ZNF280C: variants seen among roughly 807,000 people sequenced by gnomAD.
The protein encoded by ZNF280C is zinc finger protein 280C.
A neutral mutation model predicts 53.6 loss-of-function variants in ZNF280C; 14 were observed. The ratio of observed to expected loss-of-function variants is 0.26; its 90% CI spans 0.17 to 0.41. ZNF280C has a LOEUF of 0.41. ZNF280C is among the 10% of genes least tolerant of loss of function. The pLI is 1.00. For missense variants in ZNF280C, 416 were observed against 547.1 expected (o/e 0.76, Z 2.39); for synonymous variants, 203 against 181.1 (o/e 1.12, Z -0.97).
intron 12 of ZNF280C, among the ~76,000 whole-genome samples, chrX:130,225,064 A>G (rs1428245457): frequency 1.8e-5 from 2 of 111,799 alleles, no homozygotes; most frequent in Admixed American, 9.5e-5. Flanking sequence ...AAGTTAAGGC[A>G]TACAACTTAG....
At chrX:130,252,015 G>A (rs1461956501) in intron 2 of ZNF280C, among the ~76,000 whole-genome samples, 5 of 111,814 alleles carry the variant, frequency 4.5e-5, no homozygotes, top group African/African-American at 1.6e-4. Context: ...TTGGGAGGCT[G>A]GGGCAGGGGA....
At chrX:130,235,445 C>A (rs1341750944) in intron 8 of ZNF280C, among the ~76,000 whole-genome samples, 3 of 111,952 alleles carry the variant, frequency 2.7e-5, no homozygotes, top group Non-Finnish European at 5.6e-5. Flanking sequence ...ACTGGAGAGG[C>A]AAATGTTGCA....
intron 5 of ZNF280C, among the ~76,000 whole-genome samples, chrX:130,240,266 T>C (rs1270830640): frequency 9.0e-6 from 1 of 111,580 alleles, no homozygotes; most frequent in East Asian, 2.8e-4. Context: ...AAATGAGGAA[T>C]AGATATCAAA....
rs191606313 is a variant in ZNF280C at position 130,218,485 on chromosome X, A to T, written c.1527+1864T>A. 2.7e-5 allele frequency among the ~76,000 whole-genome samples: 3 copies of T among 112,509 alleles called. No homozygotes were observed. The Admixed American group carries it at 2.8e-4, about 11-fold the overall frequency. ...AAAATGTTTGTATCTATTGGTTAAT[A>T]ATAGAAAAGTCATCCACTAACATTT... is the stretch of plus-strand genomic sequence containing the variant. On this transcript the variant is annotated intron_variant, in intron 13 of 18. Transcript: ENST00000370978.
chrX:130,265,256 G>C (rs1394871761), intron 1 of ZNF280C, among the ~76,000 whole-genome samples: 1 of 111,687 alleles, frequency 9.0e-6, no homozygotes, highest in Non-Finnish European at 1.9e-5. Context: ...ATAATACTTT[G>C]CAAAGTTTGC....
At chrX:130,219,612 G>A (rs1185200500) in intron 13 of ZNF280C, among the ~76,000 whole-genome samples, 2 of 110,207 alleles carry the variant, frequency 1.8e-5, no homozygotes, top group Admixed American at 9.8e-5. Context: ...TGCTATCCAG[G>A]AGCAAAACTT....
intron 2 of ZNF280C, among the ~76,000 whole-genome samples, chrX:130,260,125 AC>A (rs1161897557): frequency 9.1e-6 from 1 of 110,019 alleles, no homozygotes. Context: ...TACTGAAAAT[AC>A]AAAAAATTAG....
At chrX:130,224,170 G>A (rs1392414284) in intron 12 of ZNF280C, among the ~76,000 whole-genome samples, 1 of 111,698 alleles carries the variant, frequency 9.0e-6, no homozygotes, top group African/African-American at 3.3e-5. Flanking sequence ...TGATGGTGGA[G>A]CTGTCATAAA....
At chrX:130,257,504 G>A (rs1031723922) in intron 2 of ZNF280C, among the ~76,000 whole-genome samples, 2 of 111,227 alleles carry the variant, frequency 1.8e-5, no homozygotes, top group African/African-American at 6.5e-5. Flanking sequence ...AAAATCACTA[G>A]GTAATGGCAA....
At chrX:130,266,067 C>G (rs753898246) in intron 1 of ZNF280C, among the ~76,000 whole-genome samples, 17 of 112,099 alleles carry the variant, frequency 1.5e-4, no homozygotes, top group African/African-American at 4.8e-4. Flanking sequence ...GAAACTGAGA[C>G]AGATTTCAAA....
At chrX:130,226,939 T>C (rs373631265) in intron 11 of ZNF280C, 34 bp from the exon 12 acceptor site, 8 of 1,151,738 alleles carry the variant, frequency 6.9e-6, no homozygotes, top group Non-Finnish European at 9.3e-6. Flanking sequence ...TTTAACTTGA[T>C]ATTTTATAAC....
chrX:130,210,189 T>A (rs1168946715), intron 15 of ZNF280C, among the ~76,000 whole-genome samples: 1 of 112,314 alleles, frequency 8.9e-6, no homozygotes, highest in Non-Finnish European at 1.9e-5. Context: ...TGGTATTTTG[T>A]TATAGCAGCC....
chrX:130,261,068 C>A (rs190270375), intron 1 of ZNF280C, among the ~76,000 whole-genome samples: 1 of 111,656 alleles, frequency 9.0e-6, no homozygotes, highest in Non-Finnish European at 1.9e-5. Flanking sequence ...GGATAAATTG[C>A]GTAGTAAAAC....
At chrX:130,263,821 T>C (rs780443389) in intron 1 of ZNF280C, among the ~76,000 whole-genome samples, 1 of 109,743 alleles carries the variant, frequency 9.1e-6, no homozygotes, top group Non-Finnish European at 1.9e-5. Flanking sequence ...AGTCAGGAGT[T>C]CGAGACCAGC....
intron 10 of ZNF280C, 121 bp from the exon 11 acceptor site, chrX:130,227,903 C>T (rs2032236642): frequency 4.5e-6 from 2 of 440,935 alleles, no homozygotes; most frequent in African/African-American, 5.0e-5. Context: ...TCTAACAATT[C>T]TATAGCTGTT....
intron 16 of ZNF280C, among the ~76,000 whole-genome samples, chrX:130,206,878 T>C (rs2031981588): frequency 8.9e-6 from 1 of 112,078 alleles, no homozygotes; most frequent in Non-Finnish European, 1.9e-5. Flanking sequence ...TTTCAAACGT[T>C]TTATGATGTT....
At chrX:130,214,674 A>AG (rs2032080416) in intron 15 of ZNF280C, among the ~76,000 whole-genome samples, 1 of 111,739 alleles carries the variant, frequency 8.9e-6, no homozygotes, top group Non-Finnish European at 1.9e-5. Flanking sequence ...AATCATCTCT[A>AG]GATTTGTGAA....
intron 2 of ZNF280C, among the ~76,000 whole-genome samples, chrX:130,259,728 C>T (rs1603246598): frequency 8.9e-6 from 1 of 112,214 alleles, no homozygotes; most frequent in East Asian, 2.8e-4. Flanking sequence ...CACAGTGGCT[C>T]ACGCCTGTAA....
In ZNF280C at chrX:130,227,780, T is replaced by C; in HGVS notation, c.1150A>G (p.Ile384Val). ...STHTPHEFST[I>V]CKICELSFET... ...AATGATAATTCACAGATTTTGCAAATAGCTGAAAGTGGAAAAAAACACATT... is the reference window on the plus strand; with the variant it reads ...AATGATAATTCACAGATTTTGCAAACAGCTGAAAGTGGAAAAAAACACATT... The change falls in exon 11 of 19, where the codon ATT becomes GTT. Residue 384 changes from isoleucine to valine, a missense_variant and splice_region_variant. Transcript: ENST00000370978. 2.6e-6 allele frequency: 3 copies of C among 1,140,478 alleles called. No individual in the cohort carries two copies. The highest frequency in any genetic ancestry group is 3.6e-6 in the Non-Finnish European group (3 of 835,818). 94.0% of individuals were successfully genotyped at this position (1,140,478 alleles called of 1,213,427 possible). A position where few individuals can be genotyped will look rare whatever the true frequency, so the allele number is the denominator to read the frequency against.
Sources: gnomAD v4.1 joint callset for allele counts (sites outside exome capture counted in the v4.1 genomes callset) on GRCh38, gnomAD v4.1.1 for gene constraint, MANE v1.5 for transcripts, NCBI Gene and HGNC (gene_info 2026-07-23, HGNC 2026-07-21) for gene names.